RABGAP1L: variants seen among roughly 807,000 people sequenced by gnomAD.
RABGAP1L encodes RAB GTPase activating protein 1 like, also known as rab GTPase-activating protein 1-like.
A neutral mutation model predicts 137.7 loss-of-function variants in RABGAP1L; 63 were observed. The observed-to-expected ratio is 0.46, with a 90% CI of 0.37 to 0.56. The LOEUF is 0.56. Ranked by LOEUF, RABGAP1L falls within the 20% of genes least tolerant of loss-of-function variation. The pLI is 0.00. For missense variants in RABGAP1L, 1,095 were observed against 1,244.0 expected (o/e 0.88, Z 1.80); for synonymous variants, 431 against 433.7 (o/e 0.99, Z 0.08).
intron 17 of RABGAP1L, among the ~76,000 whole-genome samples, chr1:174,722,237 T>A (rs1225206701): frequency 6.6e-6 from 1 of 152,052 alleles, no homozygotes; most frequent in Non-Finnish European, 1.5e-5. Flanking sequence ...CGATACTCAA[T>A]TTTTTTATGG....
chr1:174,682,167 G>C (rs1678110255), intron 14 of RABGAP1L, among the ~76,000 whole-genome samples: 1 of 151,942 alleles, frequency 6.6e-6, no homozygotes, highest in African/African-American at 2.4e-5. Flanking sequence ...TGTAATTGCA[G>C]CTACTCAGGG....
intron 11 of RABGAP1L, among the ~76,000 whole-genome samples, chr1:174,364,456 G>A (rs1008517166): frequency 2.0e-5 from 3 of 150,298 alleles, no homozygotes; most frequent in East Asian, 3.9e-4. Context: ...GGGTTTCACC[G>A]TTTTAGCCGG....
chr1:174,351,855 G>A (rs1366175307), intron 11 of RABGAP1L, among the ~76,000 whole-genome samples: 1 of 152,084 alleles, frequency 6.6e-6, no homozygotes, highest in Non-Finnish European at 1.5e-5. Flanking sequence ...AGGCTGGAGT[G>A]CAGTGGTGCC....
chr1:174,765,354 A>T (rs1237623655), intron 18 of RABGAP1L, among the ~76,000 whole-genome samples: 2 of 152,086 alleles, frequency 1.3e-5, no homozygotes, highest in African/African-American at 4.8e-5. Flanking sequence ...GGCCGTTTGT[A>T]TATCTTTTTT....
intron 13 of RABGAP1L, among the ~76,000 whole-genome samples, chr1:174,597,193 C>T (rs1670011751): frequency 6.6e-6 from 1 of 151,798 alleles, no homozygotes; most frequent in Non-Finnish European, 1.5e-5. Flanking sequence ...TTTGATGTGT[C>T]TTTGTCTGGT....
Position 174,414,579 on chromosome 1 carries a change from ACT to A in RABGAP1L, c.1710+20437_1710+20438del, listed in dbSNP as rs138204014. On this transcript the variant is annotated intron_variant, in intron 13 of 25. Coordinates refer to ENST00000681986, the MANE Select transcript of RABGAP1L (RefSeq NM_001366446.1). Reference sequence around the variant, plus strand: ...GCCCTTAATAAATAAGCATTGAATGACTCTATGAATTAAACTTAGTGCTCCAT... The same window carrying A: ...GCCCTTAATAAATAAGCATTGAATGACTATGAATTAAACTTAGTGCTCCAT... 9.0e-3 allele frequency among the ~76,000 whole-genome samples: 1,362 copies of A among 151,804 alleles called. 21 individuals carry two copies. The highest frequency in any genetic ancestry group is 0.032 in the African/African-American group (1,307 of 41,402).
chr1:174,601,457 G>C (rs1357636364), intron 13 of RABGAP1L, among the ~76,000 whole-genome samples: 1 of 152,058 alleles, frequency 6.6e-6, no homozygotes, highest in Non-Finnish European at 1.5e-5. Context: ...GAAAACACTT[G>C]GACATAGGGT....
rs549614015 is a variant in RABGAP1L, at chr1:174,368,696, G to C, written c.1466-2283G>C. Among the ~76,000 whole-genome samples the C allele has an allele frequency of 3.9e-5, 6 of 152,116 alleles. No individual in the cohort carries two copies. The South Asian group carries it at 1.2e-3, about 32-fold the overall frequency. Reference sequence around the variant, plus strand: ...GGTATATTAGTGAAAATAGCCATTTGTCAAATGTTGGAAATTTTTTTGCTT... The same window carrying C: ...GGTATATTAGTGAAAATAGCCATTTCTCAAATGTTGGAAATTTTTTTGCTT... On this transcript the variant is annotated intron_variant, in intron 11 of 25. Coordinates refer to ENST00000681986, the MANE Select transcript of RABGAP1L (RefSeq NM_001366446.1).
At chr1:174,189,755 T>C (rs1667073982) in intron 1 of RABGAP1L, among the ~76,000 whole-genome samples, 2 of 152,088 alleles carry the variant, frequency 1.3e-5, no homozygotes, top group African/African-American at 4.8e-5. Context: ...GATTGCTTGA[T>C]CCCAGGAGTT....
intron 13 of RABGAP1L, among the ~76,000 whole-genome samples, chr1:174,431,452 A>G (rs1294729794): frequency 6.6e-6 from 1 of 152,178 alleles, no homozygotes. Context: ...GTGTATTTTC[A>G]TACCTGTTGC....
rs968348527 is a variant in RABGAP1L, at chr1:174,539,622, T to G, written c.1711-97753T>G. ...CCATGTACCCACAAAGGACATGAAC[T>G]CATCCCTTTTTATGGCTGCATACTA... On this transcript the variant is annotated intron_variant, in intron 13 of 25. Transcript: ENST00000681986. Among the ~76,000 whole-genome samples, 5 of 152,356 alleles carry G rather than the reference T, an allele frequency of 3.3e-5. No homozygotes were observed. In the East Asian group the frequency reaches 9.6e-4, roughly 29 times the overall value.
At chr1:174,501,052 A>G (rs1040964743) in intron 13 of RABGAP1L, among the ~76,000 whole-genome samples, 1 of 152,144 alleles carries the variant, frequency 6.6e-6, no homozygotes, top group Non-Finnish European at 1.5e-5. Context: ...TAAACTGAGG[A>G]ATAAGCATTT....
chr1:174,711,675 C>A (rs1387901506), intron 17 of RABGAP1L, among the ~76,000 whole-genome samples: 2 of 152,330 alleles, frequency 1.3e-5, no homozygotes, highest in African/African-American at 2.4e-5. Flanking sequence ...GCCCGAGTGC[C>A]CCCTGGCACT....
rs1558318496 is a variant in RABGAP1L at position 174,994,015 on chromosome 1, G to C, written c.*4014G>C. The stretch of plus-strand genomic sequence containing the variant: ...CATTGAGATTTCAAGAAATGATGAT[G>C]AAAGCCAGAAGGCCAGACCACAGCT... On this transcript the variant is annotated 3_prime_UTR_variant, in exon 26 of 26. Coordinates refer to ENST00000681986, the MANE Select transcript of RABGAP1L (RefSeq NM_001366446.1). The C allele has an allele frequency of 6.6e-6, 1 of 152,202 alleles. No homozygotes were observed. The highest frequency in any genetic ancestry group is 1.5e-5 in the Non-Finnish European group (1 of 68,034). 9.4% of individuals were successfully genotyped at this position (152,202 alleles called of 1,614,324 possible).
At chr1:174,508,691 G>A (rs1005541852) in intron 13 of RABGAP1L, among the ~76,000 whole-genome samples, 1 of 152,100 alleles carries the variant, frequency 6.6e-6, no homozygotes, top group African/African-American at 2.4e-5. Context: ...ATGTATCCGT[G>A]AGACACATCT....
At chr1:174,714,171 TA>T (rs144907615) in intron 17 of RABGAP1L, among the ~76,000 whole-genome samples, 9,296 of 146,872 alleles carry the variant, frequency 0.063, 394 homozygotes, top group Non-Finnish European at 0.092. Flanking sequence ...GATGTTAATT[TA>T]AAAAAAAAAA....
intron 17 of RABGAP1L, among the ~76,000 whole-genome samples, chr1:174,704,568 G>A (rs1215669428): frequency 2.0e-5 from 3 of 152,186 alleles, no homozygotes; most frequent in African/African-American, 7.2e-5. Context: ...TCAGTGACTT[G>A]CCAGGCTTGC....
chr1:174,417,929 C>A (rs900971293), intron 13 of RABGAP1L, among the ~76,000 whole-genome samples: 34 of 152,090 alleles, frequency 2.2e-4, no homozygotes, highest in Non-Finnish European at 1.0e-4. Flanking sequence ...TGATGTTTTC[C>A]ACTGAACATT....
chr1:174,703,782 G>C (rs1679846464), intron 17 of RABGAP1L, among the ~76,000 whole-genome samples: 1 of 152,104 alleles, frequency 6.6e-6, no homozygotes, highest in Non-Finnish European at 1.5e-5. Context: ...CATTCTGACT[G>C]TCATAAGATA....
Sources: gnomAD v4.1 joint callset for allele counts (sites outside exome capture counted in the v4.1 genomes callset) on GRCh38, gnomAD v4.1.1 for gene constraint, MANE v1.5 for transcripts, NCBI Gene and HGNC (gene_info 2026-07-23, HGNC 2026-07-21) for gene names.